GRM7: variants seen among roughly 807,000 people sequenced by gnomAD.
The protein encoded by GRM7 is metabotropic glutamate receptor 7.
A neutral mutation model predicts 84.5 loss-of-function variants in GRM7; 35 were observed. The ratio of observed to expected loss-of-function variants is 0.41; its 90% CI spans 0.32 to 0.55. The LOEUF is 0.55. Ranked by LOEUF, GRM7 falls within the 20% of genes least tolerant of loss-of-function variation. The pLI is 0.19. For missense variants in GRM7, 1,003 were observed against 1,194.6 expected (o/e 0.84, Z 2.36); for synonymous variants, 487 against 455.1 (o/e 1.07, Z -0.89).
intron 2 of GRM7, among the ~76,000 whole-genome samples, chr3:7,193,522 C>T (rs973939104): frequency 6.6e-6 from 1 of 152,024 alleles, no homozygotes; most frequent in Non-Finnish European, 1.5e-5. Flanking sequence ...TTCCATTGTG[C>T]AAGTTCAAAA....
chr3:7,665,279 C>A (rs1217922782), intron 8 of GRM7, among the ~76,000 whole-genome samples: 1 of 150,182 alleles, frequency 6.7e-6, no homozygotes, highest in South Asian at 2.1e-4. Context: ...TCACGCCATT[C>A]TCCTGCCTCA....
At chr3:7,569,774 A>C (rs950437512) in intron 7 of GRM7, among the ~76,000 whole-genome samples, 2 of 152,044 alleles carry the variant, frequency 1.3e-5, no homozygotes, top group Non-Finnish European at 2.9e-5. Flanking sequence ...TGTAACACTC[A>C]CCGCGAAGGT....
rs13347242 is a variant in GRM7 at position 7,107,933 on chromosome 3, G to A, written c.520-38519G>A. ...GAAAAAAAGACGAGAAAAGAGACAGGCAGATGTTTGAGCATTCATAAAATG... is the reference window on the plus strand; with the variant it reads ...GAAAAAAAGACGAGAAAAGAGACAGACAGATGTTTGAGCATTCATAAAATG... On this transcript the variant is annotated intron_variant, in intron 1 of 9. Coordinates refer to ENST00000357716, the MANE Select transcript of GRM7 (RefSeq NM_000844.4). Among the ~76,000 whole-genome samples, 871 of 152,138 alleles carry A rather than the reference G, an allele frequency of 5.7e-3. 11 individuals are homozygous for A. The highest frequency in any genetic ancestry group is 0.02 in the African/African-American group (831 of 41,542).
intron 7 of GRM7, among the ~76,000 whole-genome samples, chr3:7,497,543 G>A (rs567646849): frequency 6.6e-6 from 1 of 152,156 alleles, no homozygotes; most frequent in South Asian, 2.1e-4. Context: ...TTTTCTTACA[G>A]ATTACATGTT....
At chr3:7,601,647 T>C (rs1052082637) in intron 8 of GRM7, among the ~76,000 whole-genome samples, 22 of 151,932 alleles carry the variant, frequency 1.4e-4, no homozygotes, top group African/African-American at 7.2e-5. Flanking sequence ...ACCAAGGAGA[T>C]GTGTGTGTTC....
chr3:7,632,306 G>C (rs1398063604), intron 8 of GRM7, among the ~76,000 whole-genome samples: 1 of 152,140 alleles, frequency 6.6e-6, no homozygotes, highest in African/African-American at 2.4e-5. Context: ...AATGGAGTGG[G>C]CATGAGTAGC....
At chr3:7,240,155 A>G (rs1270964731) in intron 2 of GRM7, among the ~76,000 whole-genome samples, 1 of 49,016 alleles carries the variant, frequency 2.0e-5, no homozygotes, top group Non-Finnish European at 3.7e-5. Context: ...CCAGTGGCTT[A>G]ATTTCATTCT....
chr3:7,221,190 G>A (rs1696790208), intron 2 of GRM7, among the ~76,000 whole-genome samples: 1 of 152,138 alleles, frequency 6.6e-6, no homozygotes, highest in African/African-American at 2.4e-5. Context: ...GAGGTTATGT[G>A]CATCTTTACT....
chr3:7,298,679 A>G lies in GRM7; in HGVS notation c.737-5A>G. The G allele has an allele frequency of 6.2e-7, 1 of 1,612,356 alleles. No homozygotes were observed. Among genetic ancestry groups the G allele is most frequent in the Non-Finnish European group, 8.5e-7 (1 of 1,178,796 alleles). On this transcript the variant is annotated splice_region_variant and splice_polypyrimidine_tract_variant and intron_variant, in intron 2 of 9. Transcript: ENST00000357716. ...ATTGACACTATGTTTTCTTCTCTTA[A>G]ACAGGTGGACTCTGCATTGCCCAGT...
At chr3:6,976,959 G>A (rs2124822689) in intron 1 of GRM7, among the ~76,000 whole-genome samples, 1 of 152,256 alleles carries the variant, frequency 6.6e-6, no homozygotes, top group Non-Finnish European at 1.5e-5. Flanking sequence ...TCCCTAGAAT[G>A]CAGTGAAGAG....
intron 5 of GRM7, among the ~76,000 whole-genome samples, chr3:7,427,874 A>C (rs568786204): frequency 2.0e-5 from 3 of 152,344 alleles, no homozygotes; most frequent in East Asian, 1.9e-4. Context: ...TGACAGGCTC[A>C]TGGTCAGTCG....
intron 4 of GRM7, among the ~76,000 whole-genome samples, chr3:7,364,598 T>C (rs1693802685): frequency 6.6e-6 from 1 of 151,832 alleles, no homozygotes; most frequent in Non-Finnish European, 1.5e-5. Context: ...TTTTATTCCT[T>C]TTCTTCTACC....
intron 2 of GRM7, among the ~76,000 whole-genome samples, chr3:7,217,603 ACC>A (rs200036643): frequency 0.022 from 3,395 of 151,718 alleles, 108 homozygotes; most frequent in African/African-American, 0.078. Flanking sequence ...CTGTCCACAC[ACC>A]CATGTGCTAA....
intron 7 of GRM7, among the ~76,000 whole-genome samples, chr3:7,524,022 G>A (rs1465133950): frequency 2.0e-5 from 3 of 152,094 alleles, no homozygotes; most frequent in Non-Finnish European, 2.9e-5. Flanking sequence ...GATCACGGAG[G>A]CTAGGAGGGT....
chr3:7,220,258 G>C (rs1273300224), intron 2 of GRM7, among the ~76,000 whole-genome samples: 1 of 152,184 alleles, frequency 6.6e-6, no homozygotes, highest in Non-Finnish European at 1.5e-5. Flanking sequence ...CTTTACAGTG[G>C]AGAAACCTGA....
At chr3:7,248,005 C>G (rs1376701848) in intron 2 of GRM7, among the ~76,000 whole-genome samples, 1 of 152,142 alleles carries the variant, frequency 6.6e-6, no homozygotes, top group Non-Finnish European at 1.5e-5. Flanking sequence ...GATCAGAACT[C>G]TTACACTTTA....
chr3:7,660,710 G>A (rs1446929116), intron 8 of GRM7, among the ~76,000 whole-genome samples: 5 of 151,930 alleles, frequency 3.3e-5, no homozygotes, highest in South Asian at 4.1e-4. Context: ...GAAAATGGAA[G>A]GCTAATATAA....
intron 8 of GRM7, among the ~76,000 whole-genome samples, chr3:7,592,266 AAAG>A (rs1695823665): frequency 6.6e-6 from 1 of 152,230 alleles, no homozygotes; most frequent in Admixed American, 6.5e-5. Context: ...TATAAAAAAA[AAAG>A]CAGATAAGAG....
At chr3:7,462,801 A>G (rs1339372037) in intron 7 of GRM7, among the ~76,000 whole-genome samples, 3 of 152,152 alleles carry the variant, frequency 2.0e-5, no homozygotes, top group Non-Finnish European at 2.9e-5. Flanking sequence ...ATGAACTGGC[A>G]CTAAAATTGG....
Sources: allele counts gnomAD v4.1 joint callset (sites outside exome capture counted in the v4.1 genomes callset), GRCh38; gene constraint gnomAD v4.1.1; transcripts MANE v1.5; gene names NCBI Gene and HGNC (gene_info 2026-07-23, HGNC 2026-07-21).